The following KLHL3 variants were observed in gnomAD, a reference collection of about 807,000 sequenced individuals.
KLHL3 encodes the protein kelch-like protein 3.
Under a neutral mutation model 70.5 loss-of-function variants are expected in KLHL3, and 19 were observed. The observed-to-expected ratio is 0.27, with a 90% CI of 0.19 to 0.40. The LOEUF (loss-of-function observed/expected upper bound fraction) is 0.40, where lower values mean the gene tolerates loss of function less well. Ranked by LOEUF, KLHL3 falls within the 10% of genes least tolerant of loss-of-function variation. KLHL3 has a pLI of 1.00. For synonymous variants in KLHL3, 258 were observed against 290.3 expected (o/e 0.89, Z 1.13); for missense variants, 512 against 771.1 (o/e 0.66, Z 3.98).
intron 1 of KLHL3, among the ~76,000 whole-genome samples, chr5:137,728,662 G>C (rs185199560): frequency 6.6e-6 from 1 of 152,270 alleles, no homozygotes; most frequent in East Asian, 1.9e-4. Flanking sequence ...GCAGTGAATG[G>C]AAAGGAAAGG....
chr5:137,635,243 G>A (rs1005647741), intron 11 of KLHL3, among the ~76,000 whole-genome samples: 8 of 151,982 alleles, frequency 5.3e-5, no homozygotes, highest in African/African-American at 1.9e-4. Flanking sequence ...TATCATCATC[G>A]AGCCTGGCTT....
intron 3 of KLHL3, among the ~76,000 whole-genome samples, chr5:137,702,081 G>A (rs1057000563): frequency 1.3e-5 from 2 of 152,244 alleles, no homozygotes; most frequent in African/African-American, 4.8e-5. Flanking sequence ...AGAGAATACA[G>A]TGGTTAACAA....
chr5:137,671,828 G>C (rs1751767303), intron 6 of KLHL3: 1 of 152,190 alleles, frequency 6.6e-6, no homozygotes, highest in Non-Finnish European at 1.5e-5. Flanking sequence ...GTAGTAACTG[G>C]AAGGGGGTTC....
intron 4 of KLHL3, among the ~76,000 whole-genome samples, chr5:137,697,560 A>G (rs1243474670): frequency 6.6e-6 from 1 of 152,220 alleles, no homozygotes; most frequent in Non-Finnish European, 1.5e-5. Flanking sequence ...TGAGGTTCAG[A>G]GAATTTTCAG....
At chr5:137,726,687 G>A (rs1479403769) in intron 1 of KLHL3, among the ~76,000 whole-genome samples, 1 of 152,032 alleles carries the variant, frequency 6.6e-6, no homozygotes, top group Non-Finnish European at 1.5e-5. Flanking sequence ...AGAGGGCAAG[G>A]AACATGTGTC....
intron 2 of KLHL3, among the ~76,000 whole-genome samples, chr5:137,712,042 C>T (rs1752802305): frequency 6.7e-6 from 1 of 150,304 alleles, no homozygotes; most frequent in African/African-American, 2.5e-5. Context: ...CCTGTAATCC[C>T]AGCTACTAGG....
chr5:137,680,470 T>C (rs1490174430), intron 5 of KLHL3, among the ~76,000 whole-genome samples: 1 of 152,098 alleles, frequency 6.6e-6, no homozygotes, highest in Non-Finnish European at 1.5e-5. Flanking sequence ...AGAAACTCTT[T>C]AGAAATGAAG....
At chr5:137,709,149 G>C (rs1752741328) in intron 3 of KLHL3, among the ~76,000 whole-genome samples, 1 of 152,226 alleles carries the variant, frequency 6.6e-6, no homozygotes. Context: ...GTTGGCAAAG[G>C]TGCTGAAACT....
At chr5:137,657,295 A>T (rs1288788297) in intron 8 of KLHL3, among the ~76,000 whole-genome samples, 2 of 152,112 alleles carry the variant, frequency 1.3e-5, no homozygotes, top group African/African-American at 4.8e-5. Context: ...CATCAATGAG[A>T]CAACACGACC....
intron 13 of KLHL3, 124 bp downstream of exon 13, chr5:137,628,173 C>CTCCCTGT: frequency 8.1e-7 from 1 of 1,236,358 alleles, no homozygotes; most frequent in South Asian, 1.4e-5. Context: ...CAAATGCACA[C>CTCCCTGT]TCCCTGTTCA....
intron 6 of KLHL3, among the ~76,000 whole-genome samples, chr5:137,670,292 C>A (rs1397721627): frequency 2.6e-5 from 4 of 151,950 alleles, no homozygotes. Context: ...AACCTAGATT[C>A]CCAGGATATG....
intron 8 of KLHL3, among the ~76,000 whole-genome samples, chr5:137,648,789 C>T (rs1241599206): frequency 6.6e-6 from 1 of 152,184 alleles, no homozygotes; most frequent in Non-Finnish European, 1.5e-5. Context: ...TAGTGCAGGT[C>T]TCTCTCCACC....
At chr5:137,718,990 A>T (rs990011828) in intron 2 of KLHL3, among the ~76,000 whole-genome samples, 2 of 152,146 alleles carry the variant, frequency 1.3e-5, no homozygotes, top group Non-Finnish European at 2.9e-5. Flanking sequence ...CTCAACACAC[A>T]CTTCTTTGGC....
chr5:137,730,314 T>A (rs1301778223), intron 1 of KLHL3, among the ~76,000 whole-genome samples: 1 of 152,212 alleles, frequency 6.6e-6, no homozygotes, highest in African/African-American at 2.4e-5. Context: ...CTCTCTGACG[T>A]TCTTCCTTGT....
At chr5:137,703,179 A>G (rs1227827982) in intron 3 of KLHL3, among the ~76,000 whole-genome samples, 1 of 149,888 alleles carries the variant, frequency 6.7e-6, no homozygotes, top group African/African-American at 2.4e-5. Flanking sequence ...AAGACAAGAA[A>G]AGGGAGTGTT....
At chr5:137,683,840 C>A (rs1352255678) in intron 5 of KLHL3, among the ~76,000 whole-genome samples, 3 of 151,948 alleles carry the variant, frequency 2.0e-5, no homozygotes, top group African/African-American at 7.2e-5. Context: ...AGCCAAGGGC[C>A]ATAATAGTGC....
intron 8 of KLHL3, among the ~76,000 whole-genome samples, chr5:137,644,792 G>A (rs915598414): frequency 6.6e-6 from 1 of 152,072 alleles, no homozygotes; most frequent in East Asian, 1.9e-4. Context: ...TGAAAGGGAG[G>A]GAATACTTCC....
rs1301991500 is a variant in KLHL3 at position 137,618,782 on chromosome 5, T to C, written c.*3316A>G. 7.2e-6 allele frequency: 1 copy of C among 139,400 alleles called. No homozygotes were observed. Among genetic ancestry groups the C allele is most frequent in the East Asian group, 2.1e-4 (1 of 4,744 alleles). The allele number at this position is 139,400 out of a possible 1,614,324, so 8.6% of individuals were successfully genotyped here. ...TCCAAAAAAAAAAAAAAAGACACAA[T>C]CAATACAGACGGGCAAGTGCTGAGT... On this transcript the variant is annotated 3_prime_UTR_variant, in exon 15 of 15. Coordinates refer to ENST00000309755, the MANE Select transcript of KLHL3 (RefSeq NM_017415.3).
At chr5:137,631,112 A>G (rs559774959) in intron 12 of KLHL3, among the ~76,000 whole-genome samples, 1 of 151,642 alleles carries the variant, frequency 6.6e-6, no homozygotes, top group South Asian at 2.1e-4. Flanking sequence ...AGAGAAAGGA[A>G]TAACATTGCG....
Sources: allele counts gnomAD v4.1 joint callset (sites outside exome capture counted in the v4.1 genomes callset), GRCh38; gene constraint gnomAD v4.1.1; transcripts MANE v1.5; gene names NCBI Gene and HGNC (gene_info 2026-07-23, HGNC 2026-07-21).